The following CFTR variants were observed in gnomAD, a reference collection of about 807,000 sequenced individuals.
The protein encoded by CFTR is CF transmembrane conductance regulator, also known as cystic fibrosis transmembrane conductance regulator.
Under a neutral mutation model 171.6 loss-of-function variants are expected in CFTR, and 181 were observed. That is an observed-to-expected ratio of 1.05 (90% CI 0.93 to 1.19). The LOEUF is 1.19. Ranked by LOEUF, CFTR falls within the 50% of genes most tolerant of loss-of-function variation. The probability of loss-of-function intolerance (pLI) is 0.00; values close to 1 mark genes in which losing one functional copy is unlikely to be tolerated. For synonymous variants in CFTR, 583 were observed against 608.0 expected (o/e 0.96, Z 0.60); for missense variants, 1,968 against 1,734.7 (o/e 1.13, Z -2.39).
intron 2 of CFTR, among the ~76,000 whole-genome samples, chr7:117,507,876 C>T (rs1798446576): frequency 6.6e-6 from 1 of 152,214 alleles, no homozygotes; most frequent in Non-Finnish European, 1.5e-5. Context: ...ACTGCAAACT[C>T]TGCCTCCTGG....
intron 21 of CFTR, among the ~76,000 whole-genome samples, chr7:117,617,433 T>C (rs1792508531): frequency 1.3e-5 from 2 of 152,162 alleles, no homozygotes; most frequent in Non-Finnish European, 2.9e-5. Flanking sequence ...CACGAAACTG[T>C]ACAACAACCT....
rs764640445 is a variant in CFTR, at chr7:117,548,721, C to T, written c.1290C>T (p.Phe430=). 24 of 1,613,328 alleles carry T rather than the reference C, an allele frequency of 1.5e-5. 2 individuals carry two copies. In the South Asian group the frequency reaches 2.4e-4, roughly 16 times the overall value. ...CTAATGGTGATGACAGCCTCTTCTTCAGTAATTTCTCACTTCTTGGTACTC... is the reference window on the plus strand; with the variant it reads ...CTAATGGTGATGACAGCCTCTTCTTTAGTAATTTCTCACTTCTTGGTACTC... ...KTSNGDDSLF[F]SNFSLLGTPV... Residue 430 remains phenylalanine (F), a synonymous_variant, in exon 10 of 27, where the codon TTC becomes TTT. Transcript: ENST00000003084.
rs1554392422 is a variant in CFTR at position 117,612,038 on chromosome 7, T to TATAC, written c.3367+233_3367+234insCATA. Among the ~76,000 whole-genome samples, 84 of 77,576 alleles carry TATAC rather than the reference T, an allele frequency of 1.1e-3. 2 individuals carry two copies. The highest frequency in any genetic ancestry group is 5.7e-3 in the Middle Eastern group (1 of 174). The allele number at this position is 77,576 out of a possible 152,430, so 50.9% of individuals were successfully genotyped here. ...ATATATATATGTATATATATATATATATATATATATATATACATATATATA... is the reference window on the plus strand; with the variant it reads ...ATATATATATGTATATATATATATATATACATATATATATATATACATATATATA... On this transcript the variant is annotated intron_variant, in intron 20 of 26. Transcript: ENST00000003084.
At chr7:117,642,243 A>G (rs1792925728) in intron 22 of CFTR, among the ~76,000 whole-genome samples, 195 bp from the exon 23 acceptor site, 1 of 152,184 alleles carries the variant, frequency 6.6e-6, no homozygotes, top group Admixed American at 6.5e-5. Context: ...TTCTGTTCCA[A>G]GGTTGTTTGT....
At chr7:117,584,102 T>C (rs1398588685) in intron 11 of CFTR, among the ~76,000 whole-genome samples, 1 of 152,176 alleles carries the variant, frequency 6.6e-6, no homozygotes, top group Admixed American at 6.6e-5. Context: ...TTATGAATAT[T>C]CTTTCCCACT....
At chr7:117,592,983 A>T (rs1040883718) in intron 14 of CFTR, among the ~76,000 whole-genome samples, 1 of 152,238 alleles carries the variant, frequency 6.6e-6, no homozygotes, top group African/African-American at 2.4e-5. Context: ...GAAGAGGTGC[A>T]GTATAAATAA....
In CFTR at chr7:117,502,755, C is replaced by G. The variant is rs576434885; in HGVS notation, c.54-1498C>G. ...CAGGAAAAATTACAAATGAATCAGA[C>G]TGGGCAATGAAGGGTAAACCTAATT... On this transcript the variant is annotated intron_variant, in intron 1 of 26. Coordinates refer to ENST00000003084, the MANE Select transcript of CFTR (RefSeq NM_000492.4). Among the ~76,000 whole-genome samples, 8 of 152,286 alleles carry G rather than the reference C, an allele frequency of 5.3e-5. No homozygotes were observed. The East Asian group carries it at 1.5e-3, about 29-fold the overall frequency.
rs1378616475 is a variant in CFTR, at chr7:117,531,135, C to A, written c.489+21C>A. 8.5e-6 allele frequency: 13 copies of A among 1,532,298 alleles called. No individual in the cohort carries two copies. In the South Asian group the frequency reaches 1.5e-4, roughly 17 times the overall value. 94.9% of individuals were successfully genotyped at this position (1,532,298 alleles called of 1,614,324 possible). A position where few individuals can be genotyped will look rare whatever the true frequency, so the allele number is the denominator to read the frequency against. On this transcript the variant is annotated intron_variant, in intron 4 of 26. Coordinates refer to ENST00000003084, the MANE Select transcript of CFTR (RefSeq NM_000492.4). Reference sequence around the variant, plus strand: ...AGAAGGTAATACTTCCTTGCACAGGCCCCATGGCACATATATTCTGTATCG... The same window carrying A: ...AGAAGGTAATACTTCCTTGCACAGGACCCATGGCACATATATTCTGTATCG...
At chr7:117,554,806 G>A (rs576019920) in intron 10 of CFTR, among the ~76,000 whole-genome samples, 17 of 152,178 alleles carry the variant, frequency 1.1e-4, no homozygotes, top group African/African-American at 1.7e-4. Flanking sequence ...AGATGAAACT[G>A]TTATAATTAA....
At chr7:117,639,832 C>T (rs1354706918) in intron 22 of CFTR, among the ~76,000 whole-genome samples, 1 of 152,116 alleles carries the variant, frequency 6.6e-6, no homozygotes, top group African/African-American at 2.4e-5. Context: ...TATATGAACA[C>T]ATAAAAGATT....
At chr7:117,607,436 T>A (rs1194315377) in intron 18 of CFTR, among the ~76,000 whole-genome samples, 1 of 152,010 alleles carries the variant, frequency 6.6e-6, no homozygotes, top group Admixed American at 6.6e-5. Context: ...CCTTGGGACA[T>A]TAGGTCTCCA....
intron 3 of CFTR, among the ~76,000 whole-genome samples, chr7:117,518,383 TATAA>T (rs1376134199): frequency 1.4e-5 from 2 of 146,868 alleles, no homozygotes; most frequent in Non-Finnish European, 3.0e-5. Context: ...TATATAATAC[TATAA>T]ATAATATAAT....
intron 1 of CFTR, among the ~76,000 whole-genome samples, chr7:117,493,688 TC>T (rs1798196100): frequency 6.6e-6 from 1 of 152,052 alleles, no homozygotes; most frequent in Non-Finnish European, 1.5e-5. Context: ...TACATACTGC[TC>T]CCCAAAAAGA....
At chr7:117,665,437 T>C in intron 25 of CFTR, 22 bp from the exon 26 acceptor site, 1 of 1,282,228 alleles carries the variant, frequency 7.8e-7, no homozygotes, top group Non-Finnish European at 1.1e-6. Context: ...ATATTATGTG[T>C]GGTATTTTCT....
intron 1 of CFTR, among the ~76,000 whole-genome samples, chr7:117,501,604 G>A (rs866035061): frequency 4.0e-5 from 6 of 150,798 alleles, no homozygotes; most frequent in African/African-American, 7.3e-5. Context: ...AAAAATAGCC[G>A]GGCATGGTGG....
At chr7:117,649,699 T>C (rs1177804467) in intron 23 of CFTR, among the ~76,000 whole-genome samples, 1 of 151,932 alleles carries the variant, frequency 6.6e-6, no homozygotes, top group Non-Finnish European at 1.5e-5. Flanking sequence ...GAACACAGCT[T>C]TTGCTAAGGA....
At chr7:117,649,398 A>G (rs577823640) in intron 23 of CFTR, among the ~76,000 whole-genome samples, 1 of 149,800 alleles carries the variant, frequency 6.7e-6, no homozygotes, top group East Asian at 2.0e-4. Context: ...ATACACACAT[A>G]TATCTGTGTG....
At chr7:117,481,045 G>A (rs969777137) in intron 1 of CFTR, among the ~76,000 whole-genome samples, 5 of 152,188 alleles carry the variant, frequency 3.3e-5, no homozygotes, top group Non-Finnish European at 7.3e-5. Context: ...CAATGAATAA[G>A]CATACTGAGG....
At chr7:117,597,986 G>A (rs1048069479) in intron 15 of CFTR, among the ~76,000 whole-genome samples, 9 of 152,144 alleles carry the variant, frequency 5.9e-5, no homozygotes, top group Non-Finnish European at 1.0e-4. Context: ...GGGTGATGTG[G>A]CTGGGAGGCT....
Sources: gnomAD v4.1 joint callset for allele counts (sites outside exome capture counted in the v4.1 genomes callset) on GRCh38, gnomAD v4.1.1 for gene constraint, MANE v1.5 for transcripts, NCBI Gene and HGNC (gene_info 2026-07-23, HGNC 2026-07-21) for gene names.